Variants in ZNF680 observed in about 807,000 individuals in gnomAD.
ZNF680 encodes the protein hypothetical protein FLJ90430.
ZNF680 carries 6 observed loss-of-function variants against 12.1 expected under a neutral mutation model. That is an observed-to-expected ratio of 0.49 (90% CI 0.27 to 0.98). The LOEUF is 0.98. Among genes scored for constraint, ZNF680 ranks in the 50% least tolerant of loss-of-function variants. The pLI, the probability that ZNF680 is intolerant of heterozygous loss-of-function variation, is 0.12. For synonymous variants in ZNF680, 170 were observed against 199.3 expected (o/e 0.85, Z 1.24); for missense variants, 561 against 616.3 (o/e 0.91, Z 0.95).
chr7:64,521,845 A>G lies in ZNF680; in HGVS notation c.909T>C (p.Phe303=), dbSNP rs1472906894. The G allele has an allele frequency of 6.2e-7, 1 of 1,613,528 alleles. No individual in the cohort carries two copies. Among genetic ancestry groups the G allele is most frequent in the South Asian group, 1.1e-5 (1 of 91,058 alleles). ...PYKCDECHKA[F]NWFATLTNHK... is the part of the protein sequence containing the mutation. ...GGTTAGTAAGGGTTGCAAACCAGTT[A>G]AAGGCTTTGTGACATTCATCACATT... The change falls in exon 4 of 4, where the codon TTT becomes TTC. Residue 303 remains phenylalanine (F), a synonymous_variant. Transcript: ENST00000309683.
At chr7:64,533,062 A>C (rs1299705881) in intron 3 of ZNF680, among the ~76,000 whole-genome samples, 4 of 152,232 alleles carry the variant, frequency 2.6e-5, no homozygotes, top group Non-Finnish European at 5.9e-5. Flanking sequence ...AGCCAACATA[A>C]TACTGAATGG....
At chr7:64,544,251 A>G in intron 2 of ZNF680, 55 bp downstream of exon 2, 1 of 1,553,458 alleles carries the variant, frequency 6.4e-7, no homozygotes, top group South Asian at 1.2e-5. Flanking sequence ...ATGCAAAAAA[A>G]GAGAAATAAA....
chr7:64,558,079 C>T (rs1233202676), intron 1 of ZNF680, among the ~76,000 whole-genome samples: 3 of 152,056 alleles, frequency 2.0e-5, no homozygotes, highest in Non-Finnish European at 4.4e-5. Context: ...ACTTGTTTGC[C>T]CTACAGATAG....
At chr7:64,519,084 C>A (rs1230421712), downstream of ZNF680, among the ~76,000 whole-genome samples, 2 of 151,962 alleles carry the variant, frequency 1.3e-5, no homozygotes, top group African/African-American at 2.4e-5. Context: ...TATTCACAAT[C>A]TATACATCTG....
At chr7:64,519,328 A>T (rs1378254118), downstream of ZNF680, among the ~76,000 whole-genome samples, 1 of 151,870 alleles carries the variant, frequency 6.6e-6, no homozygotes, top group Non-Finnish European at 1.5e-5. Flanking sequence ...TAATTAAAAA[A>T]TAAAAAAATA....
chr7:64,526,915 A>C (rs1478420528), intron 3 of ZNF680, among the ~76,000 whole-genome samples: 1 of 152,234 alleles, frequency 6.6e-6, no homozygotes, highest in African/African-American at 2.4e-5. Context: ...AACAAATTTT[A>C]AAATAATCAA....
the ZNF680 span, among the ~76,000 whole-genome samples, chr7:64,502,647 A>G: frequency 6.6e-6 from 1 of 152,102 alleles, no homozygotes; most frequent in Non-Finnish European, 1.5e-5. Flanking sequence ...TTTGGGACCT[A>G]TTTTTCTCAA....
intron 1 of ZNF680, among the ~76,000 whole-genome samples, chr7:64,562,722 G>A (rs1787812882): frequency 6.6e-6 from 1 of 152,224 alleles, no homozygotes; most frequent in African/African-American, 2.4e-5. Context: ...TGCGCAGGGA[G>A]GAGACATGAC....
rs1284900634 is a variant in ZNF680 at position 64,521,361 on chromosome 7, C to T, written c.1393G>A (p.Asp465Asn). ...CAGTTAAAAACATTGCCACATTCAT[C>T]ACATTTGTAGGATTTCTCTCCAGTA... ...IHTGEKSYKC[D>N]ECGNVFNWPA... Residue 465 changes from aspartate (D) to asparagine (N), a missense_variant, in exon 4 of 4, where the codon GAT becomes AAT. Coordinates refer to ENST00000309683, the MANE Select transcript of ZNF680 (RefSeq NM_178558.5). 3 of 1,613,372 alleles carry T rather than the reference C, an allele frequency of 1.9e-6. No homozygotes were observed. In the Admixed American group the frequency reaches 5.0e-5, roughly 27 times the overall value.
chr7:64,534,278 C>A (rs1243233549), intron 3 of ZNF680, among the ~76,000 whole-genome samples: 1 of 152,020 alleles, frequency 6.6e-6, no homozygotes, highest in Non-Finnish European at 1.5e-5. Flanking sequence ...TGACAAAGGA[C>A]TAATATCCAG....
At chr7:64,510,774 G>C in the ZNF680 span, among the ~76,000 whole-genome samples, 1 of 131,964 alleles carries the variant, frequency 7.6e-6, no homozygotes, top group Non-Finnish European at 1.6e-5. Flanking sequence ...GCCGGGCGTA[G>C]TGGCGGGCGC....
At chr7:64,507,110 C>T in the ZNF680 span, among the ~76,000 whole-genome samples, 1 of 151,880 alleles carries the variant, frequency 6.6e-6, no homozygotes, top group Admixed American at 6.6e-5. Context: ...TACTATTCAG[C>T]GTCAAGAAAG....
At chr7:64,561,934 C>CAAAAAAAAAAAAAAAAAAAAAAAAAA (rs1187872173) in intron 1 of ZNF680, among the ~76,000 whole-genome samples, 22 of 80,276 alleles carry the variant, frequency 2.7e-4, no homozygotes, top group South Asian at 9.2e-4. Flanking sequence ...GACTCCGTCT[C>CAAAAAAAAAAAAAAAAAAAAAAAAAA]AAAAAAAAAA....
chr7:64,558,844 GA>G (rs1787565793), intron 1 of ZNF680, among the ~76,000 whole-genome samples: 2 of 151,444 alleles, frequency 1.3e-5, no homozygotes, highest in Middle Eastern at 3.4e-3. Context: ...ACACCGGGGA[GA>G]AAGAAACACA....
Position 64,521,171 on chromosome 7 carries a change from T to C in ZNF680, c.1583A>G (p.Asp528Gly). 2 of 1,606,438 alleles carry C rather than the reference T, an allele frequency of 1.2e-6. No individual in the cohort carries two copies. Among genetic ancestry groups the C allele is most frequent in the African/African-American group, 1.3e-5 (1 of 74,518 alleles). The change falls in exon 4 of 4, where the codon GAT (aspartate) becomes GGT (glycine). Residue 528 changes from aspartate (D) to glycine (G), a missense_variant. By Grantham distance (94) the Asp-to-Gly change is moderately conservative (BLOSUM62 -1). Transcript: ENST00000309683. The part of the protein sequence containing the change: ...YKPEKCDNNF[D>G]NT ...ATGTTTAGAAAAGTTTTAGGTGTTA[T>C]CAAAATTATTGTCACATTTTTCAGG...
Position 64,544,439 on chromosome 7 carries a change from AACAC to A in ZNF680, c.31-11_31-8del, listed in dbSNP as rs3217570. ...CCCTAAATGTCAGTGGTCCCTGAAA[AACAC>A]ACACACACACACACACACACACACA... On this transcript the variant is annotated splice_region_variant and splice_polypyrimidine_tract_variant and intron_variant, in intron 1 of 3. Coordinates refer to ENST00000309683, the MANE Select transcript of ZNF680 (RefSeq NM_178558.5). The A allele has an allele frequency of 0.11, 163,148 of 1,438,014 alleles. 900 individuals carry two copies. Among genetic ancestry groups the A allele is most frequent in the East Asian group, 0.24 (9,595 of 39,408 alleles). 89.1% of individuals were successfully genotyped at this position (1,438,014 alleles called of 1,614,324 possible). A position where few individuals can be genotyped will look rare whatever the true frequency, so the allele number is the denominator to read the frequency against.
At chr7:64,515,831 T>C (rs1300917784), downstream of ZNF680, among the ~76,000 whole-genome samples, 1 of 152,198 alleles carries the variant, frequency 6.6e-6, no homozygotes, top group Non-Finnish European at 1.5e-5. Context: ...CTCACCTTTA[T>C]TTAAACTATA....
chr7:64,542,097 G>T (rs1034266098), intron 3 of ZNF680, among the ~76,000 whole-genome samples: 5 of 152,034 alleles, frequency 3.3e-5, no homozygotes, highest in Admixed American at 3.3e-4. Flanking sequence ...AAAATATAAT[G>T]AAAATTACAA....
At chr7:64,508,950 T>C in the ZNF680 span, among the ~76,000 whole-genome samples, 1 of 152,206 alleles carries the variant, frequency 6.6e-6, no homozygotes, top group African/African-American at 2.4e-5. Flanking sequence ...GATTTCAGTC[T>C]AAATTTTCTA....
Sources: gnomAD v4.1 joint callset for allele counts (sites outside exome capture counted in the v4.1 genomes callset) on GRCh38, gnomAD v4.1.1 for gene constraint, MANE v1.5 for transcripts, NCBI Gene and HGNC (gene_info 2026-07-23, HGNC 2026-07-21) for gene names.